The following SHANK2 variants were observed in gnomAD, a reference collection of about 807,000 sequenced individuals.
SHANK2 encodes the protein SH3 and multiple ankyrin repeat domains protein 2.
Under a neutral mutation model 133.7 loss-of-function variants are expected in SHANK2, and 43 were observed. The ratio of observed to expected loss-of-function variants is 0.32; its 90% CI spans 0.25 to 0.41. The LOEUF (loss-of-function observed/expected upper bound fraction) is 0.41. Among genes scored for constraint, SHANK2 ranks in the 10% least tolerant of loss-of-function variants. The pLI, the probability that SHANK2 is intolerant of heterozygous loss-of-function variation, is 1.00. For synonymous variants in SHANK2, 1,017 were observed against 952.8 expected, an observed-to-expected ratio of 1.07 and a Z score of -1.24; for missense variants, 1,994 against 2,235.8, an observed-to-expected ratio of 0.89 and a Z score of 2.18.
intron 11 of SHANK2, among the ~76,000 whole-genome samples, chr11:70,853,699 CA>C (rs1321196127): frequency 6.6e-6 from 1 of 152,198 alleles, no homozygotes; most frequent in African/African-American, 2.4e-5. Flanking sequence ...GCTTAATACA[CA>C]ATGGGTGACT....
intron 14 of SHANK2, among the ~76,000 whole-genome samples, chr11:70,746,004 C>G (rs1946629607): frequency 1.3e-5 from 2 of 152,264 alleles, no homozygotes; most frequent in Non-Finnish European, 2.9e-5. Flanking sequence ...ACCCTCCTCT[C>G]CAGCCTCCAG....
intron 13 of SHANK2, among the ~76,000 whole-genome samples, chr11:70,802,789 C>T (rs982354746): frequency 4.6e-5 from 7 of 152,146 alleles, no homozygotes; most frequent in Admixed American, 1.3e-4. Flanking sequence ...CCCCCACCCC[C>T]CAGCATTGGC....
intron 3 of SHANK2, among the ~76,000 whole-genome samples, chr11:71,143,031 C>T (rs1952585424): frequency 6.6e-6 from 1 of 152,088 alleles, no homozygotes; most frequent in Non-Finnish European, 1.5e-5. Context: ...GTCAGGAGTT[C>T]AAGACCAGGC....
intron 21 of SHANK2, 132 bp from the exon 22 acceptor site, chr11:70,492,597 G>A (rs1555156191): frequency 2.5e-6 from 3 of 1,177,668 alleles, no homozygotes; most frequent in Non-Finnish European, 2.5e-6. Context: ...CTGCTGTGAG[G>A]AGCATGCGTG....
At chr11:70,736,094 G>A (rs1225469555) in intron 14 of SHANK2, among the ~76,000 whole-genome samples, 4 of 151,218 alleles carry the variant, frequency 2.6e-5, no homozygotes, top group Admixed American at 2.0e-4. Context: ...TCTGAGGCTC[G>A]GGAACAAGAA....
At chr11:71,109,910 C>T (rs375885436) in intron 6 of SHANK2, 31 bp downstream of exon 6, 9 of 1,378,670 alleles carry the variant, frequency 6.5e-6, no homozygotes, top group Non-Finnish European at 8.1e-6. Context: ...TTCCGTAAAG[C>T]CTGGTAAGGT....
At chr11:70,508,838 A>G (rs2059165018) in intron 17 of SHANK2, among the ~76,000 whole-genome samples, 1 of 152,230 alleles carries the variant, frequency 6.6e-6, no homozygotes, top group African/African-American at 2.4e-5. Flanking sequence ...GCAATGAGCC[A>G]TGATTGTGCT....
At chr11:70,774,350 T>C (rs1947317785) in intron 14 of SHANK2, among the ~76,000 whole-genome samples, 1 of 151,906 alleles carries the variant, frequency 6.6e-6, no homozygotes, top group African/African-American at 2.4e-5. Flanking sequence ...GATGGAGTCT[T>C]ACTCTGTTGC....
At chr11:70,812,283 A>T (rs12272309) in intron 12 of SHANK2, among the ~76,000 whole-genome samples, 2,055 of 152,316 alleles carry the variant, frequency 0.013, 50 homozygotes, top group African/African-American at 0.046. Context: ...GGAAAGCCTT[A>T]TTTCTTCTAG....
chr11:70,609,845 T>TG (rs1415095646), intron 17 of SHANK2, among the ~76,000 whole-genome samples: 1 of 2,776 alleles, frequency 3.6e-4, no homozygotes, highest in Non-Finnish European at 1.2e-3. Flanking sequence ...ATATGGAATA[T>TG]GTATATTATG....
Position 70,739,285 on chromosome 11 carries a change from T to C in SHANK2, c.1778-40522A>G. ...CCGGGGCATCTCCCATCTCCACCCA[T>C]CTCCACTCATCTCCACCCATCTCCA... is the stretch of plus-strand genomic sequence containing the variant. On this transcript the variant is annotated intron_variant, in intron 14 of 25. Transcript: ENST00000601538. The surrounding 1 kb of genome is among the most constrained non-coding windows in gnomAD (Gnocchi z 4.3). Among the ~76,000 whole-genome samples the C allele has an allele frequency of 6.6e-6, 1 of 151,918 alleles. No homozygotes were observed. Among genetic ancestry groups the C allele is most frequent in the African/African-American group, 2.4e-5 (1 of 41,418 alleles).
intron 11 of SHANK2, among the ~76,000 whole-genome samples, chr11:70,827,919 C>T (rs1426664079): frequency 1.3e-5 from 2 of 152,112 alleles, no homozygotes; most frequent in Non-Finnish European, 2.9e-5. Context: ...GGGCCTCTGG[C>T]TTTAGGGAGA....
chr11:70,779,815 C>T (rs1446275864), intron 14 of SHANK2, among the ~76,000 whole-genome samples: 7 of 152,130 alleles, frequency 4.6e-5, no homozygotes, highest in African/African-American at 9.7e-5. Context: ...GGTTCCAGCA[C>T]CCCAACTGTC....
At chr11:70,612,242 C>T (rs572708759) in intron 17 of SHANK2, among the ~76,000 whole-genome samples, 35 of 152,178 alleles carry the variant, frequency 2.3e-4, no homozygotes, top group African/African-American at 5.5e-4. Context: ...GGAACTCACA[C>T]GTGCTGGGCA....
chr11:70,629,455 C>T (rs1220632462), intron 17 of SHANK2, among the ~76,000 whole-genome samples: 1 of 152,192 alleles, frequency 6.6e-6, no homozygotes, highest in African/African-American at 2.4e-5. Context: ...GAGTGGGACA[C>T]ACGGACGTCC....
At chr11:70,824,861 C>T (rs1350001880) in intron 11 of SHANK2, among the ~76,000 whole-genome samples, 2 of 152,156 alleles carry the variant, frequency 1.3e-5, no homozygotes, top group East Asian at 3.9e-4. Flanking sequence ...CCCACAGTCT[C>T]AGAGAGCGAT....
At chr11:70,478,711 T>A (rs1240319545) in intron 25 of SHANK2, among the ~76,000 whole-genome samples, 1 of 152,186 alleles carries the variant, frequency 6.6e-6, no homozygotes, top group Non-Finnish European at 1.5e-5. Flanking sequence ...CTGAGTGCCA[T>A]GAGGGGGTCC....
intron 14 of SHANK2, among the ~76,000 whole-genome samples, chr11:70,708,773 C>T (rs781992412): frequency 4.6e-5 from 7 of 152,220 alleles, no homozygotes; most frequent in Admixed American, 6.5e-5. Context: ...CCAAGTGCTA[C>T]GTCCCAAATT....
chr11:70,659,237 C>A (rs1315120363), intron 17 of SHANK2, among the ~76,000 whole-genome samples: 3 of 152,150 alleles, frequency 2.0e-5, no homozygotes, highest in Admixed American at 2.0e-4. Flanking sequence ...TCAGTACCAG[C>A]AAAAGTTCAT....
Sources: gnomAD v4.1 joint callset for allele counts (sites outside exome capture counted in the v4.1 genomes callset) on GRCh38, gnomAD v4.1.1 for gene constraint, Gnocchi (gnomAD v3.1) non-coding constraint, MANE v1.5 for transcripts, NCBI Gene and HGNC (gene_info 2026-07-23, HGNC 2026-07-21) for gene names.